Variants in KCND2 observed in about 807,000 individuals in gnomAD.
KCND2 encodes the protein A-type voltage-gated potassium channel KCND2.
KCND2 carries 16 observed loss-of-function variants against 54.4 expected under a neutral mutation model. That is an observed-to-expected ratio of 0.29 (90% confidence interval 0.20 to 0.45). The LOEUF is 0.45. Ranked by LOEUF, KCND2 falls within the 20% of genes least tolerant of loss-of-function variation. The probability of loss-of-function intolerance (pLI) is 1.00; values close to 1 mark genes in which losing one functional copy is unlikely to be tolerated. For synonymous variants in KCND2, 317 were observed against 310.7 expected (o/e 1.02, Z -0.21); for missense variants, 486 against 824.2 (o/e 0.59, Z 5.02).
chr7:120,453,396 C>T (rs1802146147), intron 1 of KCND2, among the ~76,000 whole-genome samples: 1 of 152,190 alleles, frequency 6.6e-6, no homozygotes, highest in South Asian at 2.1e-4. Context: ...CAGCTCATGA[C>T]ACTGGTGGTC....
At chr7:120,366,819 A>G (rs191859526) in intron 1 of KCND2, among the ~76,000 whole-genome samples, 22 of 152,276 alleles carry the variant, frequency 1.4e-4, no homozygotes, top group African/African-American at 4.6e-4. Context: ...CTCTGTCATT[A>G]CTATGTGACC....
chr7:120,470,340 G>A (rs10264724), intron 1 of KCND2, among the ~76,000 whole-genome samples: 25,937 of 152,012 alleles, frequency 0.17, 2,718 homozygotes, highest in African/African-American at 0.29. Flanking sequence ...ATGTCCATAA[G>A]TCTGGAGCAT....
chr7:120,691,730 A>G (rs1230084165), intron 1 of KCND2, among the ~76,000 whole-genome samples: 1 of 152,166 alleles, frequency 6.6e-6, no homozygotes, highest in Non-Finnish European at 1.5e-5. Flanking sequence ...TATAAATATT[A>G]TAAAGCCAGT....
chr7:120,682,489 T>A (rs1027103310), intron 1 of KCND2, among the ~76,000 whole-genome samples: 1 of 151,996 alleles, frequency 6.6e-6, no homozygotes, highest in African/African-American at 2.4e-5. Flanking sequence ...AAGACAAAAA[T>A]ACATATTCAA....
At chr7:120,551,709 A>C (rs1339066934) in intron 1 of KCND2, among the ~76,000 whole-genome samples, 1 of 152,246 alleles carries the variant, frequency 6.6e-6, no homozygotes, top group African/African-American at 2.4e-5. Context: ...CTTTCCTGCT[A>C]TCAAACTGTG....
chr7:120,515,739 G>A (rs1803186290), intron 1 of KCND2, among the ~76,000 whole-genome samples: 1 of 152,124 alleles, frequency 6.6e-6, no homozygotes, highest in Non-Finnish European at 1.5e-5. Flanking sequence ...GCTAATAGAT[G>A]CTGTGAAGGT....
At chr7:120,745,535 A>G (rs1792995117) in intron 4 of KCND2, among the ~76,000 whole-genome samples, 1 of 152,064 alleles carries the variant, frequency 6.6e-6, no homozygotes, top group African/African-American at 2.4e-5. Flanking sequence ...AGATAAAGTT[A>G]GTCTATAAAG....
intron 1 of KCND2, among the ~76,000 whole-genome samples, chr7:120,541,745 G>A (rs1245979756): frequency 2.0e-5 from 3 of 152,156 alleles, no homozygotes; most frequent in African/African-American, 7.2e-5. Flanking sequence ...TAAGCATGGT[G>A]TGATAATTCT....
At chr7:120,289,667 G>A (rs941995984) in intron 1 of KCND2, among the ~76,000 whole-genome samples, 2 of 152,038 alleles carry the variant, frequency 1.3e-5, no homozygotes, top group African/African-American at 2.4e-5. Context: ...AGAAATGATC[G>A]GTGGGCTTGC....
At chr7:120,459,280 G>A (rs529242955) in intron 1 of KCND2, among the ~76,000 whole-genome samples, 1 of 152,132 alleles carries the variant, frequency 6.6e-6, no homozygotes, top group Non-Finnish European at 1.5e-5. Context: ...GCTTGTTCTT[G>A]GCTCTTATTG....
intron 1 of KCND2, among the ~76,000 whole-genome samples, chr7:120,286,428 G>A (rs1032891045): frequency 6.6e-6 from 1 of 151,828 alleles, no homozygotes; most frequent in Non-Finnish European, 1.5e-5. Flanking sequence ...TGGGGATGTG[G>A]GAGATAGGAA....
chr7:120,744,262 C>CAATA (rs569691252), intron 4 of KCND2, among the ~76,000 whole-genome samples: 2,700 of 152,000 alleles, frequency 0.018, 26 homozygotes, highest in Middle Eastern at 0.044. Flanking sequence ...GACTCTGTCT[C>CAATA]AATAAATAAA....
At chr7:120,523,702 CTCTGTG>C (rs1410085301) in intron 1 of KCND2, among the ~76,000 whole-genome samples, 87 of 111,018 alleles carry the variant, frequency 7.8e-4, no homozygotes, top group African/African-American at 3.5e-3. Flanking sequence ...CACACACACA[CTCTGTG>C]TGTGTGTGTG....
chr7:120,462,205 T>A (rs1035869633), intron 1 of KCND2, among the ~76,000 whole-genome samples: 3 of 150,118 alleles, frequency 2.0e-5, no homozygotes, highest in Non-Finnish European at 4.4e-5. Context: ...AAAATTGGAT[T>A]CTTTTTTGTT....
intron 1 of KCND2, among the ~76,000 whole-genome samples, chr7:120,569,409 C>A (rs1792336104): frequency 6.6e-6 from 1 of 151,986 alleles, no homozygotes. Context: ...ACTTAATATC[C>A]CAAATTATTT....
chr7:120,667,234 G>A (rs895207822), intron 1 of KCND2, among the ~76,000 whole-genome samples: 15 of 152,028 alleles, frequency 9.9e-5, no homozygotes, highest in African/African-American at 2.4e-5. Context: ...GCCGGTTAGA[G>A]TGATGTGGTC....
Position 120,407,710 on chromosome 7 carries a change from TAATATAAA to T in KCND2, c.1115+131971_1115+131978del, listed in dbSNP as rs1801383136. Reference sequence around the variant, plus strand: ...GTTATTATGTAGTATAAAAACTTTATAATATAAAAATATAATAATATAATATAGAAACC... The same window carrying T: ...GTTATTATGTAGTATAAAAACTTTATAATATAATAATATAATATAGAAACC... On this transcript the variant is annotated intron_variant, in intron 1 of 5. Coordinates refer to ENST00000331113, the MANE Select transcript of KCND2 (RefSeq NM_012281.3). Among the ~76,000 whole-genome samples the T allele has an allele frequency of 2.7e-5, 4 of 150,822 alleles. No homozygotes were observed. The South Asian group carries it at 6.2e-4, about 23-fold the overall frequency.
intron 1 of KCND2, among the ~76,000 whole-genome samples, chr7:120,472,840 C>T (rs1444460444): frequency 3.3e-5 from 5 of 152,126 alleles, no homozygotes; most frequent in Non-Finnish European, 5.9e-5. Context: ...AGGAACGGCT[C>T]CAGCCATGGA....
intron 1 of KCND2, among the ~76,000 whole-genome samples, chr7:120,428,219 A>G (rs558379789): frequency 2.0e-5 from 3 of 152,344 alleles, no homozygotes; most frequent in African/African-American, 4.8e-5. Flanking sequence ...ACACATAACT[A>G]CTTTAGTTAA....
Sources: gnomAD v4.1 joint callset for allele counts (sites outside exome capture counted in the v4.1 genomes callset) on GRCh38, gnomAD v4.1.1 for gene constraint, MANE v1.5 for transcripts, NCBI Gene and HGNC (gene_info 2026-07-23, HGNC 2026-07-21) for gene names.